Variants in ZNF569 observed in about 807,000 individuals in gnomAD.
ZNF569 encodes the protein DNA-binding protein.
Under a neutral mutation model 56.3 loss-of-function variants are expected in ZNF569, and 38 were observed. The ratio of observed to expected loss-of-function variants is 0.68; its 90% CI spans 0.52 to 0.88. ZNF569 has a LOEUF of 0.88. Among genes scored for constraint, ZNF569 ranks in the 40% least tolerant of loss-of-function variants. ZNF569 has a pLI of 0.00. For synonymous variants in ZNF569, 241 were observed against 262.9 expected (o/e 0.92, Z 0.81); for missense variants, 666 against 809.2 (o/e 0.82, Z 2.15).
intron 2 of ZNF569, among the ~76,000 whole-genome samples, chr19:37,459,351 C>T (rs10419281): frequency 0.64 from 97,379 of 151,814 alleles, 32,868 homozygotes; most frequent in African/African-American, 0.86. Flanking sequence ...TAAAACAACA[C>T]TGATAAAAAT....
chr19:37,425,834 C>A, intron 5 of ZNF569, 34 bp downstream of exon 5: 1 of 1,520,602 alleles, frequency 6.6e-7, no homozygotes, highest in Non-Finnish European at 9.1e-7. Context: ...TAGGCCCTGA[C>A]CTCTCCTCAC....
chr19:37,467,925 TTGTGAG>T, upstream of ZNF569: 1 of 1,536,126 alleles, frequency 6.5e-7, no homozygotes. Flanking sequence ...GACTTCTCGA[TTGTGAG>T]TGTGACAGTG....
intron 2 of ZNF569, among the ~76,000 whole-genome samples, chr19:37,457,656 G>A (rs2041694537): frequency 6.9e-6 from 1 of 144,484 alleles, no homozygotes; most frequent in Admixed American, 7.0e-5. Flanking sequence ...TTGGACACAG[G>A]ATGGGGAACA....
intron 2 of ZNF569, among the ~76,000 whole-genome samples, chr19:37,445,409 T>A (rs917493037): frequency 6.6e-6 from 1 of 152,174 alleles, no homozygotes; most frequent in South Asian, 2.1e-4. Flanking sequence ...TCGGAGGTAC[T>A]GATGGTAAGA....
chr19:37,422,806 G>A (rs2041060613), intron 5 of ZNF569, among the ~76,000 whole-genome samples: 1 of 152,150 alleles, frequency 6.6e-6, no homozygotes, highest in East Asian at 1.9e-4. Context: ...TTAGAATTAC[G>A]GTACAGCAAT....
At chr19:37,469,232 A>G (rs2146997427), upstream of ZNF569, 1 of 1,361,704 alleles carries the variant, frequency 7.3e-7, no homozygotes, top group Non-Finnish European at 9.5e-7. Flanking sequence ...GCGGAGCTGC[A>G]CCGCTGCTGC....
chr19:37,467,353 T>C lies in ZNF569; in HGVS notation c.-474A>G, dbSNP rs1472136574. ...CCGCGCAGGGGAGCTCAGCCTAGGT[T>C]TTGCACGAGCGGCCTCCCGCGAGCC... On this transcript the variant is annotated 5_prime_UTR_variant, in exon 1 of 6. Coordinates refer to ENST00000316950, the MANE Select transcript of ZNF569 (RefSeq NM_152484.3). 1 of 155,902 alleles carries C rather than the reference T, an allele frequency of 6.4e-6. No individual in the cohort carries two copies. Among genetic ancestry groups the C allele is most frequent in the African/African-American group, 2.4e-5 (1 of 41,310 alleles). The allele number at this position is 155,902 out of a possible 1,614,324, so 9.7% of individuals were successfully genotyped here. A position where few individuals can be genotyped will look rare whatever the true frequency, so the allele number is the denominator to read the frequency against.
intron 2 of ZNF569, among the ~76,000 whole-genome samples, chr19:37,449,233 C>A (rs2146951236): frequency 6.6e-6 from 1 of 152,086 alleles, no homozygotes; most frequent in South Asian, 2.1e-4. Context: ...TATTATGGCC[C>A]CAAATATGAT....
At chr19:37,440,926 G>A (rs1448371299) in intron 3 of ZNF569, among the ~76,000 whole-genome samples, 3 of 151,928 alleles carry the variant, frequency 2.0e-5, no homozygotes, top group Admixed American at 6.6e-5. Context: ...TTATCAATGC[G>A]CTTTATCACC....
chr19:37,412,820 T>G lies in ZNF569; in HGVS notation c.1838A>C (p.Lys613Thr). ...EKPYECNKCG[K>T]AFSQSSSLTI... is the part of the protein sequence containing the mutation. The stretch of plus-strand genomic sequence containing the variant: ...AAGGGATGAGCTTTGGGAGAAGGCT[T>G]TTCCACATTTATTACATTCATAGGG... Residue 613 changes from lysine (K) to threonine (T), a missense_variant, in exon 6 of 6, where the codon AAA (lysine) becomes ACA (threonine). By Grantham distance (78) the Lys-to-Thr change is moderately conservative. Transcript: ENST00000316950. 1 of 1,614,042 alleles carries G rather than the reference T, an allele frequency of 6.2e-7. No homozygotes were observed. Among genetic ancestry groups the G allele is most frequent in the Non-Finnish European group, 8.5e-7 (1 of 1,179,966 alleles).
chr19:37,444,330 A>G (rs907513686), intron 3 of ZNF569, among the ~76,000 whole-genome samples: 2 of 151,974 alleles, frequency 1.3e-5, no homozygotes, highest in Non-Finnish European at 2.9e-5. Context: ...GGCTTCTTTC[A>G]TTCTATGTTT....
intron 2 of ZNF569, among the ~76,000 whole-genome samples, chr19:37,460,346 T>C (rs2041737361): frequency 6.6e-6 from 1 of 152,122 alleles, no homozygotes; most frequent in African/African-American, 2.4e-5. Context: ...TTTCACCATG[T>C]TGGCCAGGTT....
intron 5 of ZNF569, among the ~76,000 whole-genome samples, chr19:37,416,206 G>T (rs1218879840): frequency 6.6e-6 from 1 of 151,382 alleles, no homozygotes; most frequent in Non-Finnish European, 1.5e-5. Flanking sequence ...TCTCTAGCCT[G>T]GGGGAAAGAT....
At chr19:37,420,379 T>C (rs1181316326) in intron 5 of ZNF569, among the ~76,000 whole-genome samples, 2 of 152,174 alleles carry the variant, frequency 1.3e-5, no homozygotes, top group Admixed American at 1.3e-4. Flanking sequence ...TTGATAGTAC[T>C]TTACCCACAG....
chr19:37,456,403 T>G (rs1415985839), intron 2 of ZNF569, among the ~76,000 whole-genome samples: 1 of 152,236 alleles, frequency 6.6e-6, no homozygotes, highest in African/African-American at 2.4e-5. Flanking sequence ...TAGGATGATC[T>G]ATCCCTTAAA....
chr19:37,425,563 C>T (rs563398378), intron 5 of ZNF569: 4 of 173,638 alleles, frequency 2.3e-5, no homozygotes, highest in East Asian at 1.6e-4. Context: ...CCTCATGATC[C>T]GCCCACCTCG....
intron 2 of ZNF569, among the ~76,000 whole-genome samples, chr19:37,460,820 G>GA (rs1413449233): frequency 6.7e-6 from 1 of 149,368 alleles, no homozygotes; most frequent in Non-Finnish European, 1.5e-5. Context: ...CCCTAGAAAT[G>GA]AAAAAAACAA....
intron 3 of ZNF569, among the ~76,000 whole-genome samples, chr19:37,432,153 C>T (rs1286688744): frequency 6.6e-6 from 1 of 152,200 alleles, no homozygotes; most frequent in Non-Finnish European, 1.5e-5. Flanking sequence ...CACCTGCTGA[C>T]TGTAGAGTGA....
intron 2 of ZNF569, among the ~76,000 whole-genome samples, chr19:37,445,798 T>C (rs894253745): frequency 2.0e-5 from 3 of 152,046 alleles, no homozygotes; most frequent in African/African-American, 7.2e-5. Flanking sequence ...AAATCACAGA[T>C]AACACAAACA....
Sources: allele counts gnomAD v4.1 joint callset (sites outside exome capture counted in the v4.1 genomes callset), GRCh38; gene constraint gnomAD v4.1.1; transcripts MANE v1.5; gene names NCBI Gene and HGNC (gene_info 2026-07-23, HGNC 2026-07-21).